The following NLGN1 variants were observed in gnomAD, a reference collection of about 807,000 sequenced individuals.
The protein encoded by NLGN1 is neuroligin-1.
In NLGN1, 12 loss-of-function variants were observed where a neutral mutation model predicts 65.5. The ratio of observed to expected loss-of-function variants is 0.18; its 90% CI spans 0.12 to 0.30. The LOEUF (loss-of-function observed/expected upper bound fraction) is 0.30. Among genes scored for constraint, NLGN1 ranks in the 10% least tolerant of loss-of-function variants. The pLI, the probability that NLGN1 is intolerant of heterozygous loss-of-function variation, is 1.00. For missense variants in NLGN1, 750 were observed against 1,007.1 expected (o/e 0.74, Z 3.46); for synonymous variants, 350 against 359.5 (o/e 0.97, Z 0.30).
chr3:173,415,412 T>C (rs537686131), intron 1 of NLGN1, among the ~76,000 whole-genome samples: 1 of 152,310 alleles, frequency 6.6e-6, no homozygotes, highest in South Asian at 2.1e-4. Context: ...TTTAGCGGTA[T>C]GAAGACAAAT....
chr3:173,724,588 A>C (rs1036319827), intron 3 of NLGN1: 4 of 152,968 alleles, frequency 2.6e-5, no homozygotes, highest in Non-Finnish European at 1.5e-5. Flanking sequence ...ATTTGCACTT[A>C]AAATAACTAG....
intron 4 of NLGN1, among the ~76,000 whole-genome samples, chr3:173,916,273 A>C (rs1220050050): frequency 3.9e-5 from 6 of 152,152 alleles, no homozygotes; most frequent in African/African-American, 1.4e-4. Flanking sequence ...TGCTGAGTTT[A>C]ATGAGTGACC....
chr3:173,703,074 G>GTT (rs879872052), intron 3 of NLGN1, among the ~76,000 whole-genome samples: 5 of 142,760 alleles, frequency 3.5e-5, no homozygotes, highest in South Asian at 2.2e-4. Flanking sequence ...TGTTACTAGA[G>GTT]TTTTTTTTTT....
At chr3:173,404,988 T>G (rs921469590) in intron 1 of NLGN1, among the ~76,000 whole-genome samples, 2 of 152,148 alleles carry the variant, frequency 1.3e-5, no homozygotes, top group Non-Finnish European at 2.9e-5. Flanking sequence ...CAAATAGATA[T>G]AGATTTTTAA....
chr3:174,153,867 T>C (rs192172224), intron 4 of NLGN1, among the ~76,000 whole-genome samples: 1 of 152,218 alleles, frequency 6.6e-6, no homozygotes, highest in East Asian at 1.9e-4. Context: ...GGTACATGCC[T>C]GTGCTTTGAG....
chr3:174,171,013 TA>T (rs1195968704), intron 4 of NLGN1, among the ~76,000 whole-genome samples: 21 of 152,152 alleles, frequency 1.4e-4, no homozygotes, highest in African/African-American at 4.8e-4. Flanking sequence ...CAAACTCTAT[TA>T]ATCGTCTTAC....
At chr3:174,019,695 T>C (rs1727346193) in intron 4 of NLGN1, among the ~76,000 whole-genome samples, 1 of 152,140 alleles carries the variant, frequency 6.6e-6, no homozygotes, top group Admixed American at 6.6e-5. Flanking sequence ...TCTCATTCAT[T>C]TGGGTTTTCT....
At chr3:174,113,774 C>G (rs1576940491) in intron 4 of NLGN1, among the ~76,000 whole-genome samples, 2 of 152,154 alleles carry the variant, frequency 1.3e-5, no homozygotes, top group Admixed American at 6.6e-5. Flanking sequence ...AAATTAATAA[C>G]ACTTTATTAT....
chr3:173,804,031 C>T (rs1294646367), intron 3 of NLGN1, among the ~76,000 whole-genome samples: 1 of 152,124 alleles, frequency 6.6e-6, no homozygotes, highest in Non-Finnish European at 1.5e-5. Flanking sequence ...CTCTGGTTGT[C>T]AGGTACAAAT....
chr3:173,543,563 C>A (rs140433808), intron 2 of NLGN1, among the ~76,000 whole-genome samples: 2 of 152,008 alleles, frequency 1.3e-5, no homozygotes, highest in African/African-American at 4.8e-5. Flanking sequence ...AGATAGCAAG[C>A]GTATTCTAAT....
At chr3:174,063,713 A>G (rs528540351) in intron 4 of NLGN1, among the ~76,000 whole-genome samples, 35 of 152,276 alleles carry the variant, frequency 2.3e-4, no homozygotes, top group African/African-American at 7.9e-4. Context: ...AGAGACAGAA[A>G]GAGACAGATT....
At chr3:174,249,726 A>G (rs576472364) in intron 4 of NLGN1, among the ~76,000 whole-genome samples, 1 of 152,352 alleles carries the variant, frequency 6.6e-6, no homozygotes, top group African/African-American at 2.4e-5. Context: ...TAGCCTGGAA[A>G]TACTTTTGAT....
At chr3:173,786,803 A>C (rs1413523701) in intron 3 of NLGN1, among the ~76,000 whole-genome samples, 1 of 152,196 alleles carries the variant, frequency 6.6e-6, no homozygotes, top group Non-Finnish European at 1.5e-5. Context: ...GGGGCAGGGC[A>C]TGGTGGCTCA....
intron 4 of NLGN1, among the ~76,000 whole-genome samples, chr3:174,039,625 A>C (rs1731863598): frequency 6.6e-6 from 1 of 152,186 alleles, no homozygotes; most frequent in Admixed American, 6.6e-5. Flanking sequence ...GATAAGGCTC[A>C]GTAAGTTAGT....
chr3:173,468,480 T>C lies in NLGN1; in HGVS notation c.-321+33402T>C, dbSNP rs544642357. ...ACTGCCTTACTCTCTGGCCCATTACTATGTTCTGGGGAACTGAGGCCATCA... is the reference window on the plus strand; with the variant it reads ...ACTGCCTTACTCTCTGGCCCATTACCATGTTCTGGGGAACTGAGGCCATCA... On this transcript the variant is annotated intron_variant, in intron 2 of 6. Coordinates refer to ENST00000457714, the Ensembl canonical transcript of NLGN1. Among the ~76,000 whole-genome samples, 16 of 152,228 alleles carry C rather than the reference T, an allele frequency of 1.1e-4. No homozygotes were observed. The South Asian group carries it at 2.5e-3, about 24-fold the overall frequency.
At chr3:173,611,394 TA>T (rs35262703) in intron 3 of NLGN1, among the ~76,000 whole-genome samples, 1 of 151,990 alleles carries the variant, frequency 6.6e-6, no homozygotes, top group Non-Finnish European at 1.5e-5. Context: ...ATGGAGGAAC[TA>T]AAACACAACA....
At chr3:173,890,450 G>A (rs1229103854) in intron 4 of NLGN1, among the ~76,000 whole-genome samples, 1 of 152,072 alleles carries the variant, frequency 6.6e-6, no homozygotes, top group African/African-American at 2.4e-5. Flanking sequence ...GGCCTTTATA[G>A]ATATTGCATT....
intron 4 of NLGN1, among the ~76,000 whole-genome samples, chr3:173,949,531 C>A (rs1747800528): frequency 6.6e-6 from 1 of 152,142 alleles, no homozygotes; most frequent in South Asian, 2.1e-4. Context: ...AAAGAGGCAT[C>A]TGGATTGTGC....
At chr3:173,582,941 CTTGTA>C (rs1432927078) in intron 2 of NLGN1, among the ~76,000 whole-genome samples, 2 of 152,120 alleles carry the variant, frequency 1.3e-5, no homozygotes, top group African/African-American at 4.8e-5. Context: ...AAGTTGCAAT[CTTGTA>C]TTATCATTAT....
Sources: allele counts gnomAD v4.1 joint callset (sites outside exome capture counted in the v4.1 genomes callset), GRCh38; gene constraint gnomAD v4.1.1; transcripts MANE v1.5; gene names NCBI Gene and HGNC (gene_info 2026-07-23, HGNC 2026-07-21).